CSTF2: variants seen among roughly 807,000 people sequenced by gnomAD.
CSTF2 encodes the protein cleavage stimulation factor subunit 2.
Under a neutral mutation model 45.4 loss-of-function variants are expected in CSTF2, and 8 were observed. The ratio of observed to expected loss-of-function variants is 0.18; its 90% CI spans 0.10 to 0.32. CSTF2 has a LOEUF of 0.32. Among genes scored for constraint, CSTF2 ranks in the 10% least tolerant of loss-of-function variants. The pLI, the probability that CSTF2 is intolerant of heterozygous loss-of-function variation, is 1.00. For synonymous variants in CSTF2, 155 were observed against 158.9 expected (o/e 0.98, Z 0.18); for missense variants, 253 against 477.1 (o/e 0.53, Z 4.38).
At chrX:100,822,095 GA>G (rs58313206) in intron 2 of CSTF2, among the ~76,000 whole-genome samples, 155 bp from the exon 3 acceptor site, 9,384 of 91,061 alleles carry the variant, frequency 0.1, 1,168 homozygotes, top group African/African-American at 0.34. Context: ...TCCATCTCAG[GA>G]AAAAAAAAAA....
At chrX:100,835,224 C>G (rs1217019660) in intron 11 of CSTF2, among the ~76,000 whole-genome samples, 1 of 106,234 alleles carries the variant, frequency 9.4e-6, no homozygotes, top group African/African-American at 3.5e-5. Flanking sequence ...CTGATCGCAC[C>G]TGTGACTAGC....
rs778227916 is a variant in CSTF2 at position 100,839,093 on chromosome X, T to A, written c.*3+729T>A. ...AGACCCCATCTTTACAAAAATTTTTTAAAAAATTAGCCAGGCATGGTGAGA... is the reference window on the plus strand; with the variant it reads ...AGACCCCATCTTTACAAAAATTTTTAAAAAAATTAGCCAGGCATGGTGAGA... On this transcript the variant is annotated intron_variant, in intron 13 of 13. Transcript: ENST00000372972. Among the ~76,000 whole-genome samples the A allele has an allele frequency of 5.5e-5, 6 of 109,186 alleles. No homozygotes were observed. In the East Asian group the frequency reaches 8.6e-4, roughly 16 times the overall value. 94.8% of individuals were successfully genotyped at this position (109,186 alleles called of 115,157 possible).
intron 11 of CSTF2, among the ~76,000 whole-genome samples, chrX:100,834,091 A>G (rs977377865): frequency 1.8e-5 from 2 of 111,619 alleles, no homozygotes; most frequent in Non-Finnish European, 3.8e-5. Context: ...TTTTATTTGG[A>G]TCTCTCTGCC....
chrX:100,835,073 A>G (rs1432711045), intron 11 of CSTF2, among the ~76,000 whole-genome samples: 1 of 110,821 alleles, frequency 9.0e-6, no homozygotes, highest in African/African-American at 3.3e-5. Context: ...ACTTATAAAT[A>G]TATATATTCG....
chrX:100,833,533 A>G, intron 11 of CSTF2, 61 bp downstream of exon 11: 1 of 1,050,102 alleles, frequency 9.5e-7, no homozygotes, highest in Non-Finnish European at 1.3e-6. Context: ...GGAATTGATT[A>G]TTGAGCCTAA....
At chrX:100,834,926 G>T (rs1265834679) in intron 11 of CSTF2, among the ~76,000 whole-genome samples, 1 of 111,618 alleles carries the variant, frequency 9.0e-6, no homozygotes, top group Non-Finnish European at 1.9e-5. Context: ...CTCTCTGCTG[G>T]TACTTGAACT....
chrX:100,833,073 G>A, intron 10 of CSTF2, 107 bp from the exon 11 acceptor site: 3 of 1,001,640 alleles, frequency 3.0e-6, no homozygotes, highest in Non-Finnish European at 4.0e-6. Flanking sequence ...TAATAGCTGA[G>A]GGGACAAATG....
chrX:100,825,353 A>C (rs1398573583), intron 6 of CSTF2, among the ~76,000 whole-genome samples: 1 of 111,836 alleles, frequency 8.9e-6, no homozygotes, highest in Non-Finnish European at 1.9e-5. Flanking sequence ...ATTAGTAAGA[A>C]AATTTCCAAT....
intron 2 of CSTF2, among the ~76,000 whole-genome samples, 151 bp from the exon 3 acceptor site, chrX:100,822,095 GAAAAA>G (rs58313206): frequency 2.2e-5 from 2 of 91,354 alleles, no homozygotes; most frequent in African/African-American, 7.9e-5. Flanking sequence ...TCCATCTCAG[GAAAAA>G]AAAAAAAAAA....
At chrX:100,839,935 G>A (rs1159701540) in intron 13 of CSTF2, among the ~76,000 whole-genome samples, 1 of 111,495 alleles carries the variant, frequency 9.0e-6, no homozygotes, top group Non-Finnish European at 1.9e-5. Flanking sequence ...ACAAGGCAAA[G>A]TTTTTGTCTA....
rs961182623 is a variant in CSTF2 at position 100,841,013 on chromosome X, G to A, written c.*303G>A. 8.9e-6 allele frequency: 1 copy of A among 112,432 alleles called. No individual in the cohort carries two copies. The highest frequency in any genetic ancestry group is 1.9e-5 in the Non-Finnish European group (1 of 53,297). The allele number at this position is 112,432 out of a possible 1,213,427, so 9.3% of individuals were successfully genotyped here. A position where few individuals can be genotyped will look rare whatever the true frequency, so the allele number is the denominator to read the frequency against. On this transcript the variant is annotated 3_prime_UTR_variant, in exon 14 of 14. Transcript: ENST00000372972. ...CTTAGATGTGTTTTCTACCCTTACTGCAGTATTGTACTTTAACATATTGCC... is the reference window on the plus strand; with the variant it reads ...CTTAGATGTGTTTTCTACCCTTACTACAGTATTGTACTTTAACATATTGCC...
At chrX:100,831,374 T>G in intron 8 of CSTF2, 141 bp from the exon 9 acceptor site, 2 of 679,053 alleles carry the variant, frequency 2.9e-6, no homozygotes, top group Non-Finnish European at 4.7e-6. Context: ...CTTCTGTTCT[T>G]GAGCTGCAAG....
chrX:100,820,825 G>C (rs2084914446), intron 1 of CSTF2, among the ~76,000 whole-genome samples: 2 of 111,885 alleles, frequency 1.8e-5, no homozygotes, highest in African/African-American at 3.3e-5. Flanking sequence ...TATGCTGAGG[G>C]TATAGATCCT....
chrX:100,823,915 A>G lies in CSTF2; in HGVS notation c.474A>G (p.Ala158=). The G allele has an allele frequency of 8.3e-7, 1 of 1,211,333 alleles. No individual in the cohort carries two copies. ...GTGTCCAGAATAGTCCCCAGGAGGC[A>G]CGGAACATGTTACTTCAGAACCCTC... ...KLCVQNSPQE[A]RNMLLQNPQL... The change falls in exon 5 of 14, where the codon GCA becomes GCG. Residue 158 remains alanine (A), a synonymous_variant. Coordinates refer to ENST00000372972, the MANE Select transcript of CSTF2 (RefSeq NM_001325.3).
chrX:100,831,378 C>T, intron 8 of CSTF2, 137 bp from the exon 9 acceptor site: 2 of 692,938 alleles, frequency 2.9e-6, no homozygotes, highest in Non-Finnish European at 4.6e-6. Context: ...TGTTCTTGAG[C>T]TGCAAGAGGA....
rs770271696 is a variant in CSTF2 at position 100,823,845 on chromosome X, T to C, written c.445-41T>C. 9.3e-6 allele frequency: 11 copies of C among 1,186,663 alleles called. No homozygotes were observed. In the South Asian group the frequency reaches 1.7e-4, roughly 18 times the overall value. ...ATGGCTCTAAATCACTATCAGTTTCTAAGTCATAAGTATTAAACCTGAATC... is the reference window on the plus strand; with the variant it reads ...ATGGCTCTAAATCACTATCAGTTTCCAAGTCATAAGTATTAAACCTGAATC... On this transcript the variant is annotated intron_variant, in intron 4 of 13. Transcript: ENST00000372972.
chrX:100,833,085 G>T (rs1430517160), intron 10 of CSTF2, 95 bp from the exon 11 acceptor site: 1 of 1,026,183 alleles, frequency 9.7e-7, no homozygotes, highest in African/African-American at 1.9e-5. Context: ...GGACAAATGT[G>T]ACTAGAAGAG....
chrX:100,826,373 C>T (rs1347214100), intron 6 of CSTF2, among the ~76,000 whole-genome samples: 1 of 104,341 alleles, frequency 9.6e-6, no homozygotes, highest in Non-Finnish European at 1.9e-5. Context: ...CCTTGCCACA[C>T]AGATAAGACT....
chrX:100,827,466 G>GT (rs1046252703), intron 7 of CSTF2, among the ~76,000 whole-genome samples: 1 of 111,548 alleles, frequency 9.0e-6, no homozygotes, highest in African/African-American at 3.3e-5. Context: ...AATATTTAAA[G>GT]TTTTTTTATG....
Sources: allele counts gnomAD v4.1 joint callset (sites outside exome capture counted in the v4.1 genomes callset), GRCh38; gene constraint gnomAD v4.1.1; transcripts MANE v1.5; gene names NCBI Gene and HGNC (gene_info 2026-07-23, HGNC 2026-07-21).